TSGA13: variants seen among roughly 807,000 people sequenced by gnomAD.
The protein encoded by TSGA13 is testis specific 13.
Under a neutral mutation model 35.1 loss-of-function variants are expected in TSGA13, and 37 were observed. The observed-to-expected ratio is 1.05, with a 90% confidence interval of 0.81 to 1.39. The LOEUF (loss-of-function observed/expected upper bound fraction) is 1.39. Among genes scored for constraint, TSGA13 ranks in the 40% most tolerant of loss-of-function variants. The probability of loss-of-function intolerance (pLI) is 0.00; values close to 1 mark genes in which losing one functional copy is unlikely to be tolerated. For missense variants in TSGA13, 338 were observed against 328.5 expected (o/e 1.03, Z -0.22); for synonymous variants, 124 against 121.2 (o/e 1.02, Z -0.15).
intron 1 of TSGA13, 53 bp from the exon 2 acceptor site, chr7:130,685,413 G>A (rs1189949121): frequency 1.4e-5 from 19 of 1,325,332 alleles, no homozygotes; most frequent in Non-Finnish European, 1.7e-5. Context: ...TGTAGAAAAT[G>A]CACAAGACAT....
upstream of TSGA13, chr7:130,686,727 C>G (rs1391237312): frequency 6.6e-6 from 1 of 152,318 alleles, no homozygotes; most frequent in Admixed American, 6.6e-5. Context: ...CACACACACA[C>G]ACACACACAC....
chr7:130,670,586 T>C lies in TSGA13; in HGVS notation c.658+1075A>G, dbSNP rs143395731. Among the ~76,000 whole-genome samples, 765 of 152,268 alleles carry C rather than the reference T, an allele frequency of 5.0e-3. 4 individuals carry two copies. Among genetic ancestry groups the C allele is most frequent in the African/African-American group, 0.017 (726 of 41,534 alleles). ...ACCCAAACCTTTATTTAAATAATAT[T>C]TAAGGCATTGTGGTATTTTCGATTT... is the stretch of plus-strand genomic sequence containing the variant. On this transcript the variant is annotated intron_variant, in intron 7 of 7. Coordinates refer to ENST00000356588, the MANE Select transcript of TSGA13 (RefSeq NM_052933.4).
At chr7:130,682,989 G>C (rs1472139831) in intron 3 of TSGA13, among the ~76,000 whole-genome samples, 1 of 152,094 alleles carries the variant, frequency 6.6e-6, no homozygotes, top group Non-Finnish European at 1.5e-5. Flanking sequence ...ATAGAAGTTA[G>C]GAAAAACTTA....
In TSGA13 at chr7:130,679,349, A is replaced by G. The variant is rs782451829; in HGVS notation, c.193T>C (p.Leu65=). The G allele has an allele frequency of 6.2e-7, 1 of 1,612,600 alleles. No homozygotes were observed. Among genetic ancestry groups the G allele is most frequent in the South Asian group, 1.1e-5 (1 of 90,864 alleles). Residue 65 remains leucine, a synonymous_variant, in exon 5 of 8, where the codon TTG becomes CTG. Transcript: ENST00000356588. ...AATTTCTGCAGGGCAGTGGCCTTCAAAGGCTTATAGTACTGGGCCTGAACA... is the reference window on the plus strand; with the variant it reads ...AATTTCTGCAGGGCAGTGGCCTTCAGAGGCTTATAGTACTGGGCCTGAACA... ...HPNLAQYYKP[L]KATALQKFLA...
chr7:130,685,265 T>G lies in TSGA13; in HGVS notation c.-55A>C. Reference sequence around the variant, plus strand: ...GGCAGGTATTCACCCAAGGCCAAATTCAGGTCTCTAAATAGTCCACGTTCT... The same window carrying G: ...GGCAGGTATTCACCCAAGGCCAAATGCAGGTCTCTAAATAGTCCACGTTCT... On this transcript the variant is annotated 5_prime_UTR_variant, in exon 2 of 8. Transcript: ENST00000356588. 6.2e-7 allele frequency: 1 copy of G among 1,610,298 alleles called. No homozygotes were observed. The highest frequency in any genetic ancestry group is 8.5e-7 in the Non-Finnish European group (1 of 1,176,736).
rs1003486816 is a variant in TSGA13 at position 130,668,792 on chromosome 7, C to G, written c.*222G>C. 15 of 1,329,202 alleles carry G rather than the reference C, an allele frequency of 1.1e-5. No individual in the cohort carries two copies. The highest frequency in any genetic ancestry group is 1.5e-5 in the Non-Finnish European group (15 of 994,236). The allele number at this position is 1,329,202 out of a possible 1,614,324, so 82.3% of individuals were successfully genotyped here. ...CGCCGGTTGGGCCGCCGCGCCTTCA[C>G]TCGGGGCCAAGGCCCGCCCTCCCCG... On this transcript the variant is annotated 3_prime_UTR_variant, in exon 8 of 8. Coordinates refer to ENST00000356588, the MANE Select transcript of TSGA13 (RefSeq NM_052933.4).
rs201869966 is a variant in TSGA13 at position 130,672,825 on chromosome 7, G to T, written c.439C>A (p.Pro147Thr). The change falls in exon 6 of 8, where the codon CCT becomes ACT. Residue 147 changes from proline (P) to threonine (T), a missense_variant. By Grantham distance (38) the Pro-to-Thr change is conservative (BLOSUM62 -1). Transcript: ENST00000356588. ...TTAGATCTTAACTTTTTTTTCTGAGGCATGCGGGGCAGCCAGAGGTTCTCA... is the reference window on the plus strand; with the variant it reads ...TTAGATCTTAACTTTTTTTTCTGAGTCATGCGGGGCAGCCAGAGGTTCTCA... The part of the protein sequence containing the change: ...PTENLWLPRM[P>T]QKKKLRSKLK... The T allele has an allele frequency of 6.2e-7, 1 of 1,613,988 alleles. No homozygotes were observed. The highest frequency in any genetic ancestry group is 1.3e-5 in the African/African-American group (1 of 75,020).
chr7:130,682,750 A>G (rs1308363739), intron 3 of TSGA13, among the ~76,000 whole-genome samples: 1 of 152,236 alleles, frequency 6.6e-6, no homozygotes, highest in Non-Finnish European at 1.5e-5. Flanking sequence ...AGAAAAGGCC[A>G]GAAGTTGGCA....
At chr7:130,682,045 T>C (rs1337528241) in intron 3 of TSGA13, among the ~76,000 whole-genome samples, 1 of 151,994 alleles carries the variant, frequency 6.6e-6, no homozygotes, top group Admixed American at 6.6e-5. Context: ...GCTCAAGTGA[T>C]CTTCCCTCCT....
rs1796168914 is a variant in TSGA13 at position 130,668,842 on chromosome 7, G to C, written c.*172C>G. 13 of 1,302,268 alleles carry C rather than the reference G, an allele frequency of 1.0e-5. No individual in the cohort carries two copies. The South Asian group carries it at 2.0e-4, about 20-fold the overall frequency. 80.7% of individuals were successfully genotyped at this position (1,302,268 alleles called of 1,614,324 possible). Reference sequence around the variant, plus strand: ...GGCCGCCCTCGGCCCCCGGGACGCAGCCACGCCCCCTTCTCCTCTTGCGGC... The same window carrying C: ...GGCCGCCCTCGGCCCCCGGGACGCACCCACGCCCCCTTCTCCTCTTGCGGC... On this transcript the variant is annotated 3_prime_UTR_variant, in exon 8 of 8. Coordinates refer to ENST00000356588, the MANE Select transcript of TSGA13 (RefSeq NM_052933.4).
chr7:130,681,778 C>T (rs1050052077), intron 3 of TSGA13, among the ~76,000 whole-genome samples: 1 of 152,116 alleles, frequency 6.6e-6, no homozygotes, highest in Non-Finnish European at 1.5e-5. Flanking sequence ...TCTTGCTTCT[C>T]CTCTTGCATA....
intron 7 of TSGA13, among the ~76,000 whole-genome samples, chr7:130,669,919 A>G (rs1015173116): frequency 4.7e-4 from 71 of 152,296 alleles, no homozygotes; most frequent in African/African-American, 1.3e-3. Context: ...GGGGAAGGAA[A>G]CATCCTCTTC....
chr7:130,680,993 T>C lies in TSGA13; in HGVS notation c.127A>G (p.Lys43Glu). The C allele has an allele frequency of 1.2e-6, 2 of 1,614,222 alleles. No individual in the cohort carries two copies. Among genetic ancestry groups the C allele is most frequent in the Admixed American group, 3.3e-5 (2 of 60,020 alleles). The change falls in exon 4 of 8, where the codon AAA becomes GAA. Residue 43 changes from lysine (K) to glutamate (E), a missense_variant. Coordinates refer to ENST00000356588, the MANE Select transcript of TSGA13 (RefSeq NM_052933.4). Reference protein sequence around the residue: ...KEISDAVGQSKFVLENLRHYT... With the variant: ...KEISDAVGQSEFVLENLRHYT... ...TGCCGAAGGTTCTCTAGAACAAATT[T>C]TGATTGCCCGACTGCATCAGAAATC... is the stretch of plus-strand genomic sequence containing the variant.
chr7:130,684,943 T>G (rs1319409512), intron 2 of TSGA13, among the ~76,000 whole-genome samples: 1 of 152,198 alleles, frequency 6.6e-6, no homozygotes, highest in Non-Finnish European at 1.5e-5. Context: ...GGCATAGAAC[T>G]ATATGAAAAG....
At chr7:130,678,530 A>G (rs782457398) in intron 5 of TSGA13, among the ~76,000 whole-genome samples, 5 of 152,082 alleles carry the variant, frequency 3.3e-5, no homozygotes, top group African/African-American at 9.7e-5. Context: ...ATCTTTTACT[A>G]CTTTATTCTC....
At chr7:130,671,816 A>G (rs782183823) in intron 6 of TSGA13, 28 bp from the exon 7 acceptor site, 1 of 1,553,994 alleles carries the variant, frequency 6.4e-7, no homozygotes, top group South Asian at 1.2e-5. Context: ...TTTGTTTAGT[A>G]GATCCTAGGG....
At position 130,668,883 on chromosome 7, in the gene TSGA13, G is replaced by T; in HGVS notation, c.*131C>A. The stretch of plus-strand genomic sequence containing the variant: ...CTCTTGCGGCCCGCCGGAGACTTCG[G>T]CTCGACCCTCCCGGCTTGCGACCCG... On this transcript the variant is annotated 3_prime_UTR_variant, in exon 8 of 8. Coordinates refer to ENST00000356588, the MANE Select transcript of TSGA13 (RefSeq NM_052933.4). 1 of 1,423,392 alleles carries T rather than the reference G, an allele frequency of 7.0e-7. No homozygotes were observed. The highest frequency in any genetic ancestry group is 9.4e-7 in the Non-Finnish European group (1 of 1,058,858). 88.2% of individuals were successfully genotyped at this position (1,423,392 alleles called of 1,614,324 possible). A position where few individuals can be genotyped will look rare whatever the true frequency, so the allele number is the denominator to read the frequency against.
chr7:130,672,151 A>G (rs1796288661), intron 6 of TSGA13, among the ~76,000 whole-genome samples: 1 of 152,096 alleles, frequency 6.6e-6, no homozygotes, highest in Non-Finnish European at 1.5e-5. Context: ...TGGCCTCCTG[A>G]AGTGCTGGGA....
chr7:130,676,781 T>A (rs1320928924), intron 5 of TSGA13, among the ~76,000 whole-genome samples: 1 of 152,266 alleles, frequency 6.6e-6, no homozygotes, highest in African/African-American at 2.4e-5. Flanking sequence ...ATGCCCAGCA[T>A]AAAATTTCTA....
Sources: allele counts gnomAD v4.1 joint callset (sites outside exome capture counted in the v4.1 genomes callset), GRCh38; gene constraint gnomAD v4.1.1; transcripts MANE v1.5; gene names NCBI Gene and HGNC (gene_info 2026-07-23, HGNC 2026-07-21).